Variants in ANO8 observed in about 807,000 individuals in gnomAD.
ANO8 encodes the protein anoctamin-8.
In ANO8, 67 loss-of-function variants were observed where a neutral mutation model predicts 120.4. That is an observed-to-expected ratio of 0.56 (90% CI 0.46 to 0.68). The LOEUF is 0.68. Among genes scored for constraint, ANO8 ranks in the 30% least tolerant of loss-of-function variants. The pLI is 0.00. For synonymous variants in ANO8, 727 were observed against 759.2 expected (o/e 0.96, Z 0.70); for missense variants, 1,526 against 1,737.6 (o/e 0.88, Z 2.16).
chr19:17,323,285 T>G lies in ANO8; in HGVS notation c.*232A>C, dbSNP rs1287322366. On this transcript the variant is annotated 3_prime_UTR_variant, in exon 18 of 18. Coordinates refer to ENST00000159087, the MANE Select transcript of ANO8 (RefSeq NM_020959.3). ...TTTACAAAAATATGACAAAATAAAT[T>G]AAAAACAAATAAATAATCGCCTGTT... 1 of 326,624 alleles carries G rather than the reference T, an allele frequency of 3.1e-6. No individual in the cohort carries two copies. The highest frequency in any genetic ancestry group is 5.0e-5 in the Admixed American group (1 of 19,964). The allele number at this position is 326,624 out of a possible 1,614,324, so 20.2% of individuals were successfully genotyped here. A position where few individuals can be genotyped will look rare whatever the true frequency, so the allele number is the denominator to read the frequency against.
chr19:17,323,291 CAAAT>C lies in ANO8; in HGVS notation c.*222_*225del, dbSNP rs753166389. 163 of 333,914 alleles carry C rather than the reference CAAAT, an allele frequency of 4.9e-4. No individual in the cohort carries two copies. Among genetic ancestry groups the C allele is most frequent in the Middle Eastern group, 7.8e-4 (1 of 1,276 alleles). The allele number at this position is 333,914 out of a possible 1,614,324, so 20.7% of individuals were successfully genotyped here. ...AAAATATGACAAAATAAATTAAAAA[CAAAT>C]AAATAATCGCCTGTTCTGTGTGTGT... On this transcript the variant is annotated 3_prime_UTR_variant, in exon 18 of 18. Transcript: ENST00000159087.
At position 17,323,570 on chromosome 19, in the gene ANO8, G is replaced by A. The variant is rs2074251960; in HGVS notation, c.3646C>T (p.Pro1216Ser). 7.7e-7 allele frequency: 1 copy of A among 1,290,990 alleles called. No homozygotes were observed. Among genetic ancestry groups the A allele is most frequent in the Non-Finnish European group, 9.8e-7 (1 of 1,017,904 alleles). 80.0% of individuals were successfully genotyped at this position (1,290,990 alleles called of 1,614,324 possible). A position where few individuals can be genotyped will look rare whatever the true frequency, so the allele number is the denominator to read the frequency against. The change falls in exon 18 of 18, where the codon CCT becomes TCT. Residue 1216 changes from proline to serine, a missense_variant. Physicochemically the swap from Pro to Ser is moderately conservative, Grantham distance 74. Coordinates refer to ENST00000159087, the MANE Select transcript of ANO8 (RefSeq NM_020959.3). ...SDPLETPAPS[P>S]SPSPSPQAVC... ...GCCTGGGGGCTGGGGCTGGGGCTAG[G>A]GGAGGGCGCTGGGGTCTCGAGGGGA... is the stretch of plus-strand genomic sequence containing the variant.
intron 15 of ANO8, 44 bp from the exon 16 acceptor site, chr19:17,327,389 G>A (rs1363250647): frequency 2.6e-6 from 4 of 1,557,340 alleles, no homozygotes; most frequent in Non-Finnish European, 3.5e-6. Flanking sequence ...CAGACGCTGG[G>A]GCCGCCCTCT....
chr19:17,333,415 G>C lies in ANO8; in HGVS notation c.350+7C>G, dbSNP rs1194808459. ...GCTCAGCGAGAGGCCAGGGACAGGG[G>C]ACTCGCCTCTCATACGTGGCGGTGA... On this transcript the variant is annotated splice_region_variant and intron_variant, in intron 3 of 17. Transcript: ENST00000159087. The surrounding 1 kb of genome is among the most constrained non-coding windows in gnomAD (Gnocchi z 7.2). The C allele has an allele frequency of 5.6e-6, 9 of 1,613,814 alleles. No homozygotes were observed. In the South Asian group the frequency reaches 8.8e-5, roughly 16 times the overall value.
At chr19:17,330,781 T>C in intron 8 of ANO8, 47 bp downstream of exon 8, 1 of 1,575,052 alleles carries the variant, frequency 6.3e-7, no homozygotes, top group East Asian at 2.3e-5. Flanking sequence ...CCCCCACCAT[T>C]TACCTTTGTC....
At chr19:17,324,072 C>CT (rs398034115) in intron 17 of ANO8, among the ~76,000 whole-genome samples, 188 bp from the exon 18 acceptor site, 5 of 151,906 alleles carry the variant, frequency 3.3e-5, no homozygotes, top group African/African-American at 4.8e-5. Context: ...GGGCACGGCC[C>CT]TGCCGGTCAC....
At chr19:17,328,133 C>G in intron 13 of ANO8, 29 bp downstream of exon 13, 1 of 1,507,710 alleles carries the variant, frequency 6.6e-7, no homozygotes, top group Non-Finnish European at 8.9e-7. Context: ...CGAGGCCCCG[C>G]CCCCTGCGAG....
chr19:17,325,951 A>T (rs1230255281), intron 16 of ANO8, among the ~76,000 whole-genome samples: 1 of 152,190 alleles, frequency 6.6e-6, no homozygotes, highest in African/African-American at 2.4e-5. Context: ...AAAAAAGCGT[A>T]TTGGGCGCCA....
At chr19:17,330,625 C>A in intron 8 of ANO8, 121 bp from the exon 9 acceptor site, 1 of 1,407,640 alleles carries the variant, frequency 7.1e-7, no homozygotes, top group South Asian at 1.4e-5. Flanking sequence ...CCTCTCAGGT[C>A]ACCCACCTAG....
rs1027169956 is a variant in ANO8, at chr19:17,325,267, T to C, written c.2781A>G (p.Arg927=). ...HARREHDSGG[R]EEARAEGSGL... ...CAGAGCCCTCGGCCCTCGCCTCCTC[T>C]CGGCCACCAGAATCATGCTCCCGCC... Residue 927 remains arginine, a synonymous_variant, in exon 17 of 18, where the codon CGA becomes CGG. Coordinates refer to ENST00000159087, the MANE Select transcript of ANO8 (RefSeq NM_020959.3). 23 of 1,608,374 alleles carry C rather than the reference T, an allele frequency of 1.4e-5. No homozygotes were observed. Among genetic ancestry groups the C allele is most frequent in the East Asian group, 2.2e-5 (1 of 44,862 alleles).
At chr19:17,334,415 G>T (rs1568363336) in intron 1 of ANO8, 150 bp downstream of exon 1, 2 of 722,088 alleles carry the variant, frequency 2.8e-6, no homozygotes, top group East Asian at 3.4e-5. Flanking sequence ...AGCCCCGCCC[G>T]CCGGGCCGCA....
chr19:17,329,027 C>G, intron 12 of ANO8, 44 bp from the exon 13 acceptor site: 3 of 1,385,314 alleles, frequency 2.2e-6, no homozygotes, highest in Non-Finnish European at 2.8e-6. Context: ...GGGGGGCAAG[C>G]GGGGCGCCGG....
intron 17 of ANO8, 106 bp from the exon 18 acceptor site, chr19:17,323,990 G>A (rs2074256464): frequency 2.0e-6 from 2 of 1,022,834 alleles, no homozygotes; most frequent in Admixed American, 5.6e-5. Flanking sequence ...GCACATAAAG[G>A]CCTTATTGCT....
intron 5 of ANO8, 54 bp from the exon 6 acceptor site, chr19:17,331,465 G>T: frequency 6.5e-7 from 1 of 1,542,084 alleles, no homozygotes. Flanking sequence ...GCCTAGCCTG[G>T]CTAGCCCCTC....
Position 17,334,806 on chromosome 19 carries a change from C to A in ANO8, c.-136G>T, listed in dbSNP as rs1182115508. The stretch of plus-strand genomic sequence containing the variant: ...GCCCGCCCGCGCCGGCCTCGGTCCT[C>A]GCTCGCCCGAGCGCTGCTTCTCGTC... On this transcript the variant is annotated 5_prime_UTR_variant, in exon 1 of 18. Transcript: ENST00000159087. 8.3e-7 allele frequency: 1 copy of A among 1,210,644 alleles called. No homozygotes were observed. The highest frequency in any genetic ancestry group is 2.8e-5 in the East Asian group (1 of 36,256). 75.0% of individuals were successfully genotyped at this position (1,210,644 alleles called of 1,614,324 possible). A position where few individuals can be genotyped will look rare whatever the true frequency, so the allele number is the denominator to read the frequency against.
Position 17,333,887 on chromosome 19 carries a change from G to T in ANO8, c.107-87C>A. 8.9e-7 allele frequency: 1 copy of T among 1,129,478 alleles called. No homozygotes were observed. The highest frequency in any genetic ancestry group is 1.3e-6 in the Non-Finnish European group (1 of 770,394). The allele number at this position is 1,129,478 out of a possible 1,614,324, so 70.0% of individuals were successfully genotyped here. On this transcript the variant is annotated intron_variant, in intron 1 of 17. Coordinates refer to ENST00000159087, the MANE Select transcript of ANO8 (RefSeq NM_020959.3). The surrounding 1 kb of genome is among the most constrained non-coding windows in gnomAD (Gnocchi z 7.2). The stretch of plus-strand genomic sequence containing the variant: ...CTTGGCTCCTCCTGCCCCCGCCAGG[G>T]CTCCTCACCACTCCACCTGGCATTC...
Position 17,334,575 on chromosome 19 carries a change from G to C in ANO8, c.96C>G (p.Ser32=). ...CCGCCGCACACATACCCAGAACTCCGGACGCCGGGGCTGCAGGCTCGCCCT... is the reference window on the plus strand; with the variant it reads ...CCGCCGCACACATACCCAGAACTCCCGACGCCGGGGCTGCAGGCTCGCCCT... ...PPEGEPAAPA[S]GVLDKLFGKR... Residue 32 remains serine, a synonymous_variant, in exon 1 of 18, where the codon TCC becomes TCG. Coordinates refer to ENST00000159087, the MANE Select transcript of ANO8 (RefSeq NM_020959.3). 1 of 1,552,928 alleles carries C rather than the reference G, an allele frequency of 6.4e-7. No individual in the cohort carries two copies. Among genetic ancestry groups the C allele is most frequent in the Non-Finnish European group, 8.6e-7 (1 of 1,157,446 alleles).
chr19:17,330,710 G>T, intron 8 of ANO8, 118 bp downstream of exon 8: 1 of 1,461,906 alleles, frequency 6.8e-7, no homozygotes, highest in Non-Finnish European at 9.2e-7. Context: ...CCTCGGTTTG[G>T]CATACCCTCT....
chr19:17,334,625 C>T lies in ANO8; in HGVS notation c.46G>A (p.Glu16Lys), dbSNP rs750502996. ...TCCGGCGGGGGCCTCTTGCCACGCT[C>T]GCCCTCCAGGGACGTGCCCCCGGCG... ...SGAGGTSLEGERGKRPPPEGE... is the reference protein window; with the variant it reads ...SGAGGTSLEGKRGKRPPPEGE... Residue 16 changes from glutamate (E) to lysine (K), a missense_variant, in exon 1 of 18, where the codon GAG (glutamate) becomes AAG (lysine). Around this residue, in one of 8 missense-constraint regions of ANO8, gnomAD observed 53 missense variants for 45.0 expected, o/e 1.18. Transcript: ENST00000159087. The T allele has an allele frequency of 1.7e-4, 260 of 1,520,168 alleles. No individual in the cohort carries two copies. Among genetic ancestry groups the T allele is most frequent in the Non-Finnish European group, 2.2e-4 (252 of 1,141,788 alleles). The allele number at this position is 1,520,168 out of a possible 1,614,324, so 94.2% of individuals were successfully genotyped here. A position where few individuals can be genotyped will look rare whatever the true frequency, so the allele number is the denominator to read the frequency against.
Sources: allele counts gnomAD v4.1 joint callset (sites outside exome capture counted in the v4.1 genomes callset), GRCh38; gene constraint gnomAD v4.1.1; regional missense constraint gnomAD v4.1.1; non-coding constraint Gnocchi (gnomAD v3.1); transcripts MANE v1.5; gene names NCBI Gene and HGNC (gene_info 2026-07-23, HGNC 2026-07-21).